The following TRIM9 variants were observed in gnomAD, a reference collection of about 807,000 sequenced individuals.
The protein encoded by TRIM9 is tripartite motif containing 9, also known as E3 ubiquitin-protein ligase TRIM9.
TRIM9 carries 26 observed loss-of-function variants against 78.3 expected under a neutral mutation model. The ratio of observed to expected loss-of-function variants is 0.33; its 90% confidence interval spans 0.24 to 0.46. The LOEUF is 0.46. TRIM9 is among the 20% of genes least tolerant of loss of function. TRIM9 has a pLI of 1.00. For synonymous variants in TRIM9, 398 were observed against 416.5 expected (o/e 0.96, Z 0.54); for missense variants, 787 against 1,036.4 (o/e 0.76, Z 3.30).
intron 1 of TRIM9, among the ~76,000 whole-genome samples, chr14:51,060,657 C>T (rs113000402): frequency 0.037 from 5,683 of 152,174 alleles, 161 homozygotes; most frequent in Non-Finnish European, 0.055. Context: ...TTAGTAGAAA[C>T]GGGGTTTCGC....
chr14:51,047,835 A>T (rs2060068002), intron 1 of TRIM9, among the ~76,000 whole-genome samples: 1 of 152,218 alleles, frequency 6.6e-6, no homozygotes, highest in South Asian at 2.1e-4. Flanking sequence ...CATTCACATT[A>T]AAAGAACAAT....
chr14:51,089,142 T>C (rs1420376725), intron 1 of TRIM9: 2 of 152,240 alleles, frequency 1.3e-5, no homozygotes, highest in Non-Finnish European at 2.9e-5. Context: ...TATAGTTCCA[T>C]TCTCCTTGTG....
chr14:51,074,587 C>A (rs1437219638), intron 1 of TRIM9, among the ~76,000 whole-genome samples: 1 of 152,170 alleles, frequency 6.6e-6, no homozygotes, highest in East Asian at 1.9e-4. Flanking sequence ...GTAAATAGTC[C>A]AAAATGGCCT....
At chr14:51,057,500 G>A (rs4530045) in intron 1 of TRIM9, among the ~76,000 whole-genome samples, 41,604 of 151,972 alleles carry the variant, frequency 0.27, 6,172 homozygotes, top group African/African-American at 0.38. Context: ...CTTTTATATT[G>A]TATCTGCTAA....
intron 12 of TRIM9, chr14:50,978,850 A>G: frequency 1.0e-6 from 1 of 954,024 alleles, no homozygotes; most frequent in African/African-American, 1.8e-5. Context: ...TGCTGAATGA[A>G]TAAATGAGAA....
rs571104461 is a variant in TRIM9, at chr14:50,999,277, G to A, written c.1465-1089C>T. On this transcript the variant is annotated intron_variant, in intron 6 of 12. Coordinates refer to ENST00000684578, the MANE Select transcript of TRIM9 (RefSeq NM_001387360.1). ...CCCAGGAGAAAAAAAAGATAATAAAGGGAAAAGAAAGGCCCTGAAAATGAC... is the reference window on the plus strand; with the variant it reads ...CCCAGGAGAAAAAAAAGATAATAAAAGGAAAAGAAAGGCCCTGAAAATGAC... 2.6e-5 allele frequency among the ~76,000 whole-genome samples: 4 copies of A among 152,022 alleles called. No individual in the cohort carries two copies. In the East Asian group the frequency reaches 5.8e-4, roughly 22 times the overall value.
intron 1 of TRIM9, among the ~76,000 whole-genome samples, chr14:51,030,322 C>T (rs1219273866): frequency 3.3e-5 from 5 of 152,226 alleles, no homozygotes; most frequent in Non-Finnish European, 5.9e-5. Flanking sequence ...CCTGCTTGCA[C>T]CTTTAGTGCC....
At chr14:51,043,835 CA>C (rs147411456) in intron 1 of TRIM9, among the ~76,000 whole-genome samples, 29,812 of 152,046 alleles carry the variant, frequency 0.2, 3,289 homozygotes, top group Non-Finnish European at 0.25. Flanking sequence ...TTTGGTTTAA[CA>C]TTTTTATTTT....
intron 7 of TRIM9, among the ~76,000 whole-genome samples, chr14:50,995,396 C>A (rs1034694660): frequency 2.0e-5 from 3 of 152,042 alleles, no homozygotes; most frequent in Non-Finnish European, 4.4e-5. Flanking sequence ...CACTCTATAC[C>A]CACAGCCTAG....
At chr14:51,059,812 A>C (rs1167777750) in intron 1 of TRIM9, among the ~76,000 whole-genome samples, 9 of 145,962 alleles carry the variant, frequency 6.2e-5, no homozygotes, top group African/African-American at 2.2e-4. Context: ...AAAAAAAAAC[A>C]AAAAAAACAC....
At chr14:50,997,683 C>T in intron 7 of TRIM9, 1 of 1,134,818 alleles carries the variant, frequency 8.8e-7, no homozygotes, top group Non-Finnish European at 1.1e-6. Flanking sequence ...GCAAAACTGG[C>T]ACATGATGTG....
chr14:51,029,392 C>T (rs1351584184), intron 1 of TRIM9, among the ~76,000 whole-genome samples: 1 of 152,148 alleles, frequency 6.6e-6, no homozygotes, highest in Non-Finnish European at 1.5e-5. Flanking sequence ...GCCATTCAGG[C>T]ACCGCAACAC....
intron 1 of TRIM9, among the ~76,000 whole-genome samples, chr14:51,081,000 A>G (rs1365835158): frequency 2.0e-5 from 3 of 152,192 alleles, no homozygotes; most frequent in Non-Finnish European, 4.4e-5. Flanking sequence ...GTAGGTCGTG[A>G]TAGGCCAGTC....
intron 1 of TRIM9, among the ~76,000 whole-genome samples, chr14:51,062,520 G>A (rs1165411728): frequency 6.6e-6 from 1 of 152,098 alleles, no homozygotes; most frequent in Admixed American, 6.5e-5. Flanking sequence ...CTATTTGAAG[G>A]CATTGGAGAG....
Position 51,025,656 on chromosome 14 carries a change from A to G in TRIM9, c.823-296T>C, listed in dbSNP as rs148689375. ...TCATTGATTAATTAAACAATCATTT[A>G]TTGAATACATATTTGCTAAGGACTA... On this transcript the variant is annotated intron_variant, in intron 1 of 12. Coordinates refer to ENST00000684578, the MANE Select transcript of TRIM9 (RefSeq NM_001387360.1). 7.2e-5 allele frequency among the ~76,000 whole-genome samples: 11 copies of G among 152,326 alleles called. No individual in the cohort carries two copies. The East Asian group carries it at 2.1e-3, about 29-fold the overall frequency.
Position 51,011,143 on chromosome 14 carries a change from C to T in TRIM9, c.1042-649G>A, listed in dbSNP as rs143916241. ...TTTTAAGAATAACCCACTGAAACCA[C>T]TGCCTCATTTGGAGAGCAGTTGTAA... On this transcript the variant is annotated intron_variant, in intron 3 of 12. Transcript: ENST00000684578. 2.8e-4 allele frequency among the ~76,000 whole-genome samples: 43 copies of T among 152,330 alleles called. No individual in the cohort carries two copies. The East Asian group carries it at 7.1e-3, about 25-fold the overall frequency.
At chr14:51,039,041 G>A (rs1256895836) in intron 1 of TRIM9, among the ~76,000 whole-genome samples, 1 of 152,212 alleles carries the variant, frequency 6.6e-6, no homozygotes, top group Non-Finnish European at 1.5e-5. Flanking sequence ...AGAAATGCCT[G>A]GGAAATGTTA....
rs1272926648 is a variant in TRIM9, at chr14:51,023,084, T to A, written c.919-127A>T. On this transcript the variant is annotated intron_variant, in intron 2 of 12. Transcript: ENST00000684578. ...TCTGTCCACAATGCACATTTGGTAA[T>A]TTTAAAAAAATAACTGGATAAACTT... 2.3e-6 allele frequency: 3 copies of A among 1,286,802 alleles called. No homozygotes were observed. In the African/African-American group the frequency reaches 4.5e-5, roughly 19 times the overall value. 79.7% of individuals were successfully genotyped at this position (1,286,802 alleles called of 1,614,324 possible). A position where few individuals can be genotyped will look rare whatever the true frequency, so the allele number is the denominator to read the frequency against.
At chr14:51,048,041 T>C (rs1194721767) in intron 1 of TRIM9, among the ~76,000 whole-genome samples, 2 of 152,198 alleles carry the variant, frequency 1.3e-5, no homozygotes, top group African/African-American at 4.8e-5. Context: ...GTAATGTTTT[T>C]GGCTCTAATT....
Sources: gnomAD v4.1 joint callset for allele counts (sites outside exome capture counted in the v4.1 genomes callset) on GRCh38, gnomAD v4.1.1 for gene constraint, MANE v1.5 for transcripts, NCBI Gene and HGNC (gene_info 2026-07-23, HGNC 2026-07-21) for gene names.